The following SYNDIG1 variants were observed in gnomAD, a reference collection of about 807,000 sequenced individuals.
The protein encoded by SYNDIG1 is synapse differentiation-inducing gene protein 1.
A neutral mutation model predicts 19.4 loss-of-function variants in SYNDIG1; 9 were observed. The observed-to-expected ratio is 0.46, with a 90% CI of 0.28 to 0.81. SYNDIG1 has a LOEUF of 0.81. Among genes scored for constraint, SYNDIG1 ranks in the 30% least tolerant of loss-of-function variants. The pLI is 0.12. For missense variants in SYNDIG1, 311 were observed against 343.3 expected (o/e 0.91, Z 0.74); for synonymous variants, 141 against 145.9 (o/e 0.97, Z 0.24).
chr20:24,555,057 A>G (rs1387218717), intron 2 of SYNDIG1, among the ~76,000 whole-genome samples: 1 of 152,112 alleles, frequency 6.6e-6, no homozygotes, highest in Non-Finnish European at 1.5e-5. Flanking sequence ...CAAGGAATTT[A>G]TCCATTTCTT....
chr20:24,557,541 C>A (rs1377588728), intron 2 of SYNDIG1, among the ~76,000 whole-genome samples: 1 of 152,170 alleles, frequency 6.6e-6, no homozygotes, highest in East Asian at 1.9e-4. Context: ...CCCTCAGCTG[C>A]AGGTCTGTTG....
Position 24,543,594 on chromosome 20 carries a change from G to A in SYNDIG1, c.480+17G>A. 6.3e-7 allele frequency: 1 copy of A among 1,594,516 alleles called. No individual in the cohort carries two copies. The highest frequency in any genetic ancestry group is 8.5e-7 in the Non-Finnish European group (1 of 1,176,352). On this transcript the variant is annotated intron_variant, in intron 2 of 3. Coordinates refer to ENST00000376862, the MANE Select transcript of SYNDIG1 (RefSeq NM_024893.3). ...GAGCTGGAGGTCACAGGATGTGTTT[G>A]TCAGAGGCCCTCTAAGAATGTGTGA... is the stretch of plus-strand genomic sequence containing the variant.
At chr20:24,582,841 G>A (rs999847752) in intron 2 of SYNDIG1, among the ~76,000 whole-genome samples, 1 of 152,246 alleles carries the variant, frequency 6.6e-6, no homozygotes, top group Non-Finnish European at 1.5e-5. Flanking sequence ...AGCCACCACA[G>A]CAGAGGCAGC....
chr20:24,640,511 AAGG>A (rs1188029900), intron 3 of SYNDIG1, among the ~76,000 whole-genome samples: 49 of 144,126 alleles, frequency 3.4e-4, no homozygotes, highest in African/African-American at 1.1e-3. Flanking sequence ...GGAAGGAAGG[AAGG>A]AAGGAAGGAA....
intron 1 of SYNDIG1, among the ~76,000 whole-genome samples, 151 bp downstream of exon 1, chr20:24,469,904 C>G (rs1298416965): frequency 1.3e-5 from 2 of 151,824 alleles, no homozygotes; most frequent in Non-Finnish European, 2.9e-5. Context: ...CGCGCAGACC[C>G]GGCGGCGGCG....
At chr20:24,503,266 G>A (rs113936935) in intron 1 of SYNDIG1, among the ~76,000 whole-genome samples, 14 of 152,196 alleles carry the variant, frequency 9.2e-5, no homozygotes, top group Admixed American at 6.5e-5. Flanking sequence ...TACTTATCAC[G>A]CAAGGCAGGG....
chr20:24,602,910 C>G (rs557199575), intron 3 of SYNDIG1, among the ~76,000 whole-genome samples: 5 of 152,318 alleles, frequency 3.3e-5, no homozygotes, highest in Admixed American at 6.5e-5. Flanking sequence ...TTATCTGTCA[C>G]TTGAATTCTC....
intron 2 of SYNDIG1, among the ~76,000 whole-genome samples, chr20:24,565,855 C>A (rs959651114): frequency 1.3e-5 from 2 of 152,100 alleles, no homozygotes; most frequent in African/African-American, 4.8e-5. Context: ...CTTCCTTCTG[C>A]CTGGAATGTT....
At chr20:24,594,389 T>A (rs1292459417) in intron 3 of SYNDIG1, among the ~76,000 whole-genome samples, 1 of 152,224 alleles carries the variant, frequency 6.6e-6, no homozygotes, top group African/African-American at 2.4e-5. Context: ...TCTATATGTC[T>A]GTTTTTGTAC....
chr20:24,527,205 T>G (rs2035441239), intron 1 of SYNDIG1, among the ~76,000 whole-genome samples: 1 of 152,224 alleles, frequency 6.6e-6, no homozygotes, highest in Non-Finnish European at 1.5e-5. Context: ...TTTCTATTCG[T>G]GAGGCATTTG....
chr20:24,535,461 T>C (rs1010477640), intron 1 of SYNDIG1, among the ~76,000 whole-genome samples: 1 of 152,196 alleles, frequency 6.6e-6, no homozygotes, highest in Non-Finnish European at 1.5e-5. Flanking sequence ...GACGGGCTTT[T>C]AAATTACACA....
intron 1 of SYNDIG1, among the ~76,000 whole-genome samples, chr20:24,517,973 T>A (rs1475208220): frequency 6.6e-6 from 1 of 151,026 alleles, no homozygotes; most frequent in Non-Finnish European, 1.5e-5. Context: ...ACCCGGCTAA[T>A]TTTTTGTATT....
chr20:24,543,568 G>A lies in SYNDIG1; in HGVS notation c.471G>A (p.Gln157=). 6.3e-7 allele frequency: 1 copy of A among 1,599,958 alleles called. No homozygotes were observed. The highest frequency in any genetic ancestry group is 1.1e-5 in the South Asian group (1 of 91,058). Residue 157 remains glutamine (Q), a synonymous_variant, in exon 2 of 4, where the codon CAG becomes CAA. Coordinates refer to ENST00000376862, the MANE Select transcript of SYNDIG1 (RefSeq NM_024893.3). The part of the protein sequence containing the change: ...SYDVEEEEEF[Q]ELESDYSSDT... ...ATGTGGAGGAGGAGGAGGAGTTCCA[G>A]GAGCTGGAGGTCACAGGATGTGTTT...
Position 24,666,341 on chromosome 20 carries a change from A to G in SYNDIG1, c.*837A>G, listed in dbSNP as rs1416976632. The G allele has an allele frequency of 2.0e-5, 3 of 152,578 alleles. No individual in the cohort carries two copies. Among genetic ancestry groups the G allele is most frequent in the South Asian group, 2.1e-4 (1 of 4,830 alleles). 9.5% of individuals were successfully genotyped at this position (152,578 alleles called of 1,614,324 possible). A position where few individuals can be genotyped will look rare whatever the true frequency, so the allele number is the denominator to read the frequency against. ...CCTAAAGACACAGGGGCGCCTCCCA[A>G]TCACCGCGCTGGCGGATGCTCACCC... On this transcript the variant is annotated 3_prime_UTR_variant, in exon 4 of 4. Coordinates refer to ENST00000376862, the MANE Select transcript of SYNDIG1 (RefSeq NM_024893.3).
intron 3 of SYNDIG1, among the ~76,000 whole-genome samples, chr20:24,622,112 A>G (rs1186225929): frequency 6.6e-6 from 1 of 152,250 alleles, no homozygotes; most frequent in African/African-American, 2.4e-5. Context: ...ATTTAAAACA[A>G]TTATGATCAA....
intron 2 of SYNDIG1, among the ~76,000 whole-genome samples, chr20:24,559,598 T>A (rs1468134952): frequency 6.6e-6 from 1 of 152,206 alleles, no homozygotes; most frequent in East Asian, 1.9e-4. Context: ...GAATTCAAAT[T>A]GCCATCTGCA....
In SYNDIG1 at chr20:24,584,839, C is replaced by T. The variant is rs1349976784; in HGVS notation, c.481-17C>T. 1 of 1,614,074 alleles carries T rather than the reference C, an allele frequency of 6.2e-7. No homozygotes were observed. Among genetic ancestry groups the T allele is most frequent in the South Asian group, 1.1e-5 (1 of 91,086 alleles). On this transcript the variant is annotated splice_polypyrimidine_tract_variant and intron_variant, in intron 2 of 3. Coordinates refer to ENST00000376862, the MANE Select transcript of SYNDIG1 (RefSeq NM_024893.3). ...TAATCTTCTCTCCTGTCCTGTCCTG[C>T]TGGTTCTCTCTTGCAGAGCGACTAC...
intron 2 of SYNDIG1, among the ~76,000 whole-genome samples, chr20:24,573,493 A>T (rs192652512): frequency 6.6e-6 from 1 of 152,196 alleles, no homozygotes; most frequent in Non-Finnish European, 1.5e-5. Flanking sequence ...AACACAAATT[A>T]TATCCACACT....
At chr20:24,657,081 C>T (rs866429210) in intron 3 of SYNDIG1, among the ~76,000 whole-genome samples, 4 of 152,140 alleles carry the variant, frequency 2.6e-5, no homozygotes, top group Non-Finnish European at 5.9e-5. Context: ...CCCCGGAAGC[C>T]GAGTAGATGC....
Sources: allele counts gnomAD v4.1 joint callset (sites outside exome capture counted in the v4.1 genomes callset), GRCh38; gene constraint gnomAD v4.1.1; transcripts MANE v1.5; gene names NCBI Gene and HGNC (gene_info 2026-07-23, HGNC 2026-07-21).